GPC5: variants seen among roughly 807,000 people sequenced by gnomAD.
GPC5 encodes the protein glypican 5, also known as glypican-5.
A neutral mutation model predicts 53.9 loss-of-function variants in GPC5; 47 were observed. The observed-to-expected ratio is 0.87, with a 90% CI of 0.69 to 1.11. The LOEUF is 1.11. Among genes scored for constraint, GPC5 ranks in the 50% most tolerant of loss-of-function variants. The probability of loss-of-function intolerance (pLI) is 0.00; values close to 1 mark genes in which losing one functional copy is unlikely to be tolerated. For missense variants in GPC5, 748 were observed against 713.1 expected (o/e 1.05, Z -0.56); for synonymous variants, 286 against 263.3 (o/e 1.09, Z -0.84).
At chr13:92,322,452 T>C (rs2139224668) in intron 7 of GPC5, among the ~76,000 whole-genome samples, 1 of 152,304 alleles carries the variant, frequency 6.6e-6, no homozygotes, top group African/African-American at 2.4e-5. Flanking sequence ...AAATAATTTC[T>C]GTAGAAACCT....
At chr13:91,501,564 AG>A (rs2139297057) in intron 2 of GPC5, among the ~76,000 whole-genome samples, 1 of 152,316 alleles carries the variant, frequency 6.6e-6, no homozygotes, top group South Asian at 2.1e-4. Context: ...GTCCCTACAA[AG>A]GACATGAACT....
intron 7 of GPC5, among the ~76,000 whole-genome samples, chr13:92,457,792 A>T (rs183125995): frequency 6.6e-6 from 1 of 152,224 alleles, no homozygotes; most frequent in African/African-American, 2.4e-5. Context: ...TGATTACATT[A>T]TCCTGCCATA....
At chr13:92,616,119 T>G (rs1020986821) in intron 7 of GPC5, among the ~76,000 whole-genome samples, 1 of 152,108 alleles carries the variant, frequency 6.6e-6, no homozygotes, top group African/African-American at 2.4e-5. Context: ...CCAAAAAGCA[T>G]GTAAAGCAAA....
At chr13:92,119,394 T>G (rs1363566740) in intron 6 of GPC5, among the ~76,000 whole-genome samples, 5 of 119,882 alleles carry the variant, frequency 4.2e-5, no homozygotes, top group Non-Finnish European at 1.8e-5. Flanking sequence ...ATTTTAGTTT[T>G]TTTTTTTTTT....
chr13:92,828,603 A>T (rs900409141), intron 7 of GPC5, among the ~76,000 whole-genome samples: 14 of 152,068 alleles, frequency 9.2e-5, no homozygotes, highest in Admixed American at 5.2e-4. Context: ...ATTGAATGCC[A>T]CCCCGGACCT....
chr13:92,264,880 G>C (rs9523561), intron 7 of GPC5, among the ~76,000 whole-genome samples: 1,125 of 18,100 alleles, frequency 0.062, 2 homozygotes, highest in Middle Eastern at 0.33. Context: ...CTCTCTCTCT[G>C]TGTGTGTGTG....
chr13:91,824,608 A>T (rs1344361467), intron 5 of GPC5, among the ~76,000 whole-genome samples: 2 of 152,102 alleles, frequency 1.3e-5, no homozygotes, highest in African/African-American at 4.8e-5. Context: ...TACTTTAAAA[A>T]ATGTGTGAAA....
At chr13:91,955,962 C>T (rs2040069059) in intron 6 of GPC5, among the ~76,000 whole-genome samples, 1 of 152,326 alleles carries the variant, frequency 6.6e-6, no homozygotes, top group African/African-American at 2.4e-5. Flanking sequence ...CAGCTGCCAC[C>T]TATGGCTGAA....
rs1442545388 is a variant in GPC5, at chr13:92,087,163, G to C, written c.1402-57667G>C. ...ACAGGATCTATCAAGAGACAGAATA[G>C]AGAGATTCAGGGAGAGTGTGATGCT... On this transcript the variant is annotated intron_variant, in intron 6 of 7. Transcript: ENST00000377067. 2.6e-5 allele frequency among the ~76,000 whole-genome samples: 4 copies of C among 152,202 alleles called. No individual in the cohort carries two copies. The South Asian group carries it at 6.2e-4, about 24-fold the overall frequency.
rs77798465 is a variant in GPC5 at position 92,077,873 on chromosome 13, C to T, written c.1402-66957C>T. 3.3e-3 allele frequency among the ~76,000 whole-genome samples: 495 copies of T among 152,090 alleles called. 4 individuals are homozygous for T. Among genetic ancestry groups the T allele is most frequent in the African/African-American group, 0.011 (440 of 41,458 alleles). On this transcript the variant is annotated intron_variant, in intron 6 of 7. Coordinates refer to ENST00000377067, the MANE Select transcript of GPC5 (RefSeq NM_004466.6). Reference sequence around the variant, plus strand: ...CATCATAGCCTAATCCCTAAATACCCCACAGATATTAGAAGAATGCCAAGC... The same window carrying T: ...CATCATAGCCTAATCCCTAAATACCTCACAGATATTAGAAGAATGCCAAGC...
At chr13:92,552,159 T>A (rs902271346) in intron 7 of GPC5, among the ~76,000 whole-genome samples, 2 of 151,830 alleles carry the variant, frequency 1.3e-5, no homozygotes, top group Admixed American at 1.3e-4. Flanking sequence ...TTAAAGTAAG[T>A]GTGAAGAGTG....
rs1218262542 is a variant in GPC5, at chr13:92,381,897, A to ATCATATATATGATATATATCATATAT, written c.1561+236908_1561+236909insTCATATATATGATATATATCATATAT. On this transcript the variant is annotated intron_variant, in intron 7 of 7. Transcript: ENST00000377067. ...ATATATGATTATATATATTATATAT[A>ATCATATATATGATATATATCATATAT]ATCATATATATGATATATATAATCA... Among the ~76,000 whole-genome samples, 51 of 101,320 alleles carry ATCATATATATGATATATATCATATAT rather than the reference A, an allele frequency of 5.0e-4. 1 individual carries two copies. The highest frequency in any genetic ancestry group is 1.8e-3 in the African/African-American group (50 of 27,092). The allele number at this position is 101,320 out of a possible 152,430, so 66.5% of individuals were successfully genotyped here.
At chr13:92,820,521 T>C (rs372589761) in intron 7 of GPC5, among the ~76,000 whole-genome samples, 1 of 152,224 alleles carries the variant, frequency 6.6e-6, no homozygotes, top group South Asian at 2.1e-4. Flanking sequence ...ACTCCTTTAG[T>C]TGTCTGCCAT....
intron 7 of GPC5, among the ~76,000 whole-genome samples, chr13:92,434,557 A>C (rs1486398937): frequency 6.6e-6 from 1 of 152,186 alleles, no homozygotes; most frequent in Non-Finnish European, 1.5e-5. Context: ...TGATTCTACA[A>C]GTTTATTACA....
intron 7 of GPC5, among the ~76,000 whole-genome samples, chr13:92,145,802 A>G (rs1255750120): frequency 1.3e-5 from 2 of 152,188 alleles, no homozygotes; most frequent in Non-Finnish European, 2.9e-5. Context: ...CCTTCTGGAA[A>G]GGTGCAGTCA....
rs146115164 is a variant in GPC5, at chr13:92,030,426, A to T, written c.1402-114404A>T. Among the ~76,000 whole-genome samples, 484 of 152,102 alleles carry T rather than the reference A, an allele frequency of 3.2e-3. 6 individuals carry two copies. Among genetic ancestry groups the T allele is most frequent in the African/African-American group, 0.011 (463 of 41,442 alleles). On this transcript the variant is annotated intron_variant, in intron 6 of 7. Transcript: ENST00000377067. ...TTCTCAGGCCCTATAATTATTTTAG[A>T]TCTTACGCCCTTCTTAATAACTTTA...
intron 7 of GPC5, among the ~76,000 whole-genome samples, chr13:92,372,399 T>C (rs944574996): frequency 3.3e-5 from 5 of 152,206 alleles, no homozygotes; most frequent in Non-Finnish European, 7.3e-5. Context: ...ATTACAAATA[T>C]CTGTAAACAA....
chr13:92,594,612 G>A (rs1288614700), intron 7 of GPC5, among the ~76,000 whole-genome samples: 1 of 152,086 alleles, frequency 6.6e-6, no homozygotes, highest in East Asian at 1.9e-4. Flanking sequence ...TAACCCTCTC[G>A]TCGTTGACAC....
intron 5 of GPC5, among the ~76,000 whole-genome samples, chr13:91,892,362 T>C (rs943675658): frequency 2.6e-5 from 4 of 151,820 alleles, no homozygotes; most frequent in African/African-American, 9.7e-5. Flanking sequence ...CTTTTTACCA[T>C]GTTTTTGTAT....
Sources: allele counts gnomAD v4.1 joint callset (sites outside exome capture counted in the v4.1 genomes callset), GRCh38; gene constraint gnomAD v4.1.1; transcripts MANE v1.5; gene names NCBI Gene and HGNC (gene_info 2026-07-23, HGNC 2026-07-21).